The following ANKRD30A variants were observed in gnomAD, a reference collection of about 807,000 sequenced individuals.
ANKRD30A encodes ankyrin repeat domain-containing protein 30A.
In ANKRD30A, 170 loss-of-function variants were observed where a neutral mutation model predicts 166.3. The observed-to-expected ratio is 1.02, with a 90% CI of 0.90 to 1.16. ANKRD30A has a LOEUF of 1.16. Among genes scored for constraint, ANKRD30A ranks in the 50% most tolerant of loss-of-function variants. The probability of loss-of-function intolerance (pLI) is 0.00; values close to 1 mark genes in which losing one functional copy is unlikely to be tolerated. For synonymous variants in ANKRD30A, 564 were observed against 508.9 expected (o/e 1.11, Z -1.46); for missense variants, 1,630 against 1,518.0 (o/e 1.07, Z -1.23).
At chr10:37,257,389 T>C in the ANKRD30A span, among the ~76,000 whole-genome samples, 2 of 152,088 alleles carry the variant, frequency 1.3e-5, no homozygotes, top group Non-Finnish European at 2.9e-5. Flanking sequence ...TTTTTGTGTC[T>C]CTGTCTCCTT....
At chr10:37,148,915 A>T (rs1053176189) in intron 9 of ANKRD30A, among the ~76,000 whole-genome samples, 5 of 152,058 alleles carry the variant, frequency 3.3e-5, no homozygotes, top group East Asian at 1.9e-4. Context: ...GAATAATAAG[A>T]TTGCTTTTTA....
chr10:37,158,393 G>A lies in ANKRD30A; in HGVS notation c.1800G>A (p.Glu600=). 6.2e-7 allele frequency: 1 copy of A among 1,609,096 alleles called. No individual in the cohort carries two copies. The part of the protein sequence containing the change: ...EIDKINGKLE[E]SPNKDGLLKA... ...TTATGTATGTCCCTTTTCTTATAGA[G>A]TCTCCTAATAAAGATGGTCTTCTGA... The change falls in exon 14 of 36, where the codon GAG becomes GAA. Residue 600 remains glutamate (E), a splice_region_variant and synonymous_variant. Transcript: ENST00000361713.
chr10:37,255,598 C>A, the ANKRD30A span, among the ~76,000 whole-genome samples: 1 of 151,982 alleles, frequency 6.6e-6, no homozygotes, highest in African/African-American at 2.4e-5. Flanking sequence ...TTTTTATCAC[C>A]CCAAACTGAA....
chr10:37,159,788 G>A (rs561533296), intron 15 of ANKRD30A, among the ~76,000 whole-genome samples: 84 of 151,994 alleles, frequency 5.5e-4, no homozygotes, highest in Non-Finnish European at 7.6e-4. Flanking sequence ...TCTGCCTCCC[G>A]GGTTCACGCC....
rs547088929 is a variant in ANKRD30A, at chr10:37,219,859, C to A, written c.4147C>A (p.Arg1383Ser). ...IFNYNNHLKN[R>S]IYQYEKEKAE... ...TAATTACAATAACCATTTAAAAAAC[C>A]GTATATATCAATATGAAAAAGAGAA... Residue 1383 changes from arginine (R) to serine (S), a missense_variant, in exon 34 of 36, where the codon CGT becomes AGT. Physicochemically the swap from Arg to Ser is moderately radical, Grantham distance 110 (BLOSUM62 -1). Transcript: ENST00000361713. The A allele has an allele frequency of 1.3e-6, 2 of 1,547,676 alleles. No homozygotes were observed. The highest frequency in any genetic ancestry group is 1.2e-5 in the South Asian group (1 of 81,566).
intron 13 of ANKRD30A, among the ~76,000 whole-genome samples, chr10:37,157,681 T>G (rs2132578737): frequency 6.6e-6 from 1 of 152,278 alleles, no homozygotes. Context: ...CCTGTATTGG[T>G]TTGTTGATGG....
chr10:37,229,818 A>G (rs1018261640), intron 34 of ANKRD30A, among the ~76,000 whole-genome samples: 5 of 151,866 alleles, frequency 3.3e-5, no homozygotes, highest in South Asian at 2.1e-4. Flanking sequence ...TAGGGTGTGT[A>G]TATATATATC....
At chr10:37,172,495 G>C (rs1200889) in intron 21 of ANKRD30A, among the ~76,000 whole-genome samples, 1 of 110,414 alleles carries the variant, frequency 9.1e-6, no homozygotes, top group Non-Finnish European at 1.9e-5. Context: ...ATTTGAAACA[G>C]TGTTGTATGG....
intron 6 of ANKRD30A, among the ~76,000 whole-genome samples, 160 bp downstream of exon 6, chr10:37,136,831 G>GTGTGTGTA (rs67891035): frequency 1.5e-4 from 21 of 141,986 alleles, no homozygotes; most frequent in African/African-American, 4.9e-4. Flanking sequence ...GTGTGTGTGT[G>GTGTGTGTA]TATATATATA....
chr10:37,141,725 A>T lies in ANKRD30A; in HGVS notation c.828A>T (p.Thr276=). ...KNHQNTNPEG[T]SAGTPDEAAP... ...AGATTGTGTGTTTGGCAGAAGGAAC[A>T]TCTGCAGGAACACCTGATGAGGCTG... The change falls in exon 7 of 36, where the codon ACA becomes ACT. Residue 276 remains threonine (T), a synonymous_variant. Coordinates refer to ENST00000361713, the MANE Select transcript of ANKRD30A (RefSeq NM_052997.3). The T allele has an allele frequency of 6.2e-7, 1 of 1,611,966 alleles. No individual in the cohort carries two copies. Among genetic ancestry groups the T allele is most frequent in the Non-Finnish European group, 8.5e-7 (1 of 1,179,846 alleles).
the ANKRD30A span, among the ~76,000 whole-genome samples, chr10:37,247,881 C>CAAAAAAAAAAAAAA: frequency 1.9e-5 from 1 of 53,192 alleles, no homozygotes. Context: ...GACTCCATCT[C>CAAAAAAAAAAAAAA]AAAAAAAAAA....
chr10:37,223,144 C>G (rs1842970813), intron 34 of ANKRD30A, among the ~76,000 whole-genome samples: 1 of 151,206 alleles, frequency 6.6e-6, no homozygotes, highest in Admixed American at 6.6e-5. Context: ...TTAAAAGTTT[C>G]AAATTTTGAA....
In ANKRD30A at chr10:37,197,549, C is replaced by T. The variant is rs575603346; in HGVS notation, c.2716+69C>T. On this transcript the variant is annotated intron_variant, in intron 29 of 35. Coordinates refer to ENST00000361713, the MANE Select transcript of ANKRD30A (RefSeq NM_052997.3). ...TTGAACATTTTGATGGTCTTTCTATCCCCAATGCTTTATTTTTTTCAACTT... is the reference window on the plus strand; with the variant it reads ...TTGAACATTTTGATGGTCTTTCTATTCCCAATGCTTTATTTTTTTCAACTT... The T allele has an allele frequency of 1.2e-5, 19 of 1,602,190 alleles. No homozygotes were observed. The Admixed American group carries it at 2.4e-4, about 20-fold the overall frequency.
At chr10:37,157,006 A>AT (rs1838432360) in intron 13 of ANKRD30A, among the ~76,000 whole-genome samples, 1 of 152,218 alleles carries the variant, frequency 6.6e-6, no homozygotes, top group South Asian at 2.1e-4. Flanking sequence ...CTCTCAAGGG[A>AT]AACAACATAT....
chr10:37,130,501 C>T lies in ANKRD30A; in HGVS notation c.510+123C>T, dbSNP rs186384888. 1.9e-4 allele frequency: 135 copies of T among 699,266 alleles called. No individual in the cohort carries two copies. The Admixed American group carries it at 4.1e-3, about 21-fold the overall frequency. 43.3% of individuals were successfully genotyped at this position (699,266 alleles called of 1,614,324 possible). A position where few individuals can be genotyped will look rare whatever the true frequency, so the allele number is the denominator to read the frequency against. On this transcript the variant is annotated intron_variant, in intron 3 of 35. Transcript: ENST00000361713. ...CTTGAATGAAAATAGTTTGAAAGAA[C>T]TTAATTGTCTAAGATTTTACTTTAA...
chr10:37,246,205 T>C, the ANKRD30A span, among the ~76,000 whole-genome samples: 2 of 152,338 alleles, frequency 1.3e-5, no homozygotes, highest in South Asian at 4.1e-4. Context: ...CAAAGTTTCA[T>C]TGTGAATCAA....
At chr10:37,157,975 C>T (rs1273071303) in intron 13 of ANKRD30A, among the ~76,000 whole-genome samples, 6 of 151,944 alleles carry the variant, frequency 3.9e-5, no homozygotes, top group Non-Finnish European at 7.4e-5. Flanking sequence ...GTGATTCTGA[C>T]GTGTTTCCTT....
intron 31 of ANKRD30A, among the ~76,000 whole-genome samples, chr10:37,202,952 GAATAGACC>G (rs1564564259): frequency 6.6e-6 from 1 of 151,962 alleles, no homozygotes; most frequent in Non-Finnish European, 1.5e-5. Context: ...GAGAATCCCC[GAATAGACC>G]AATAACAGGC....
At chr10:37,161,399 A>AAACAGTGT (rs1356247841) in intron 15 of ANKRD30A, among the ~76,000 whole-genome samples, 13 of 152,334 alleles carry the variant, frequency 8.5e-5, no homozygotes, top group African/African-American at 3.1e-4. Context: ...AATAAATTTG[A>AAACAGTGT]AACAGTGTTG....
Sources: gnomAD v4.1 joint callset for allele counts (sites outside exome capture counted in the v4.1 genomes callset) on GRCh38, gnomAD v4.1.1 for gene constraint, MANE v1.5 for transcripts, NCBI Gene and HGNC (gene_info 2026-07-23, HGNC 2026-07-21) for gene names.